RAB20: variants seen among roughly 807,000 people sequenced by gnomAD.
RAB20 encodes ras-related protein Rab-20.
A neutral mutation model predicts 3.7 loss-of-function variants in RAB20; 2 were observed. The observed-to-expected ratio is 0.54, with a 90% CI of 0.22 to 1.69. The LOEUF is 1.69. Ranked by LOEUF, RAB20 falls within the 40% of genes most tolerant of loss-of-function variation. The pLI is 0.19. For missense variants in RAB20, 276 were observed against 311.9 expected (o/e 0.88, Z 0.87); for synonymous variants, 126 against 130.8 (o/e 0.96, Z 0.25).
rs867505209 is a variant in RAB20, at chr13:110,555,619, C to T, written c.172+5729G>A. The stretch of plus-strand genomic sequence containing the variant: ...GAGACAGACAGAGGAACTGTTTCCT[C>T]GCAGCTTGGGCAGAGGACGCCACGG... On this transcript the variant is annotated intron_variant, in intron 1 of 1. Transcript: ENST00000267328. The surrounding 1 kb of genome is among the most constrained non-coding windows in gnomAD (Gnocchi z 4.0). 4.6e-5 allele frequency among the ~76,000 whole-genome samples: 7 copies of T among 152,324 alleles called. No homozygotes were observed. The highest frequency in any genetic ancestry group is 7.2e-5 in the African/African-American group (3 of 41,578).
chr13:110,523,540 C>T lies in RAB20; in HGVS notation c.*125G>A. 1.4e-6 allele frequency: 2 copies of T among 1,461,214 alleles called. No homozygotes were observed. Among genetic ancestry groups the T allele is most frequent in the Non-Finnish European group, 1.8e-6 (2 of 1,103,282 alleles). The allele number at this position is 1,461,214 out of a possible 1,614,324, so 90.5% of individuals were successfully genotyped here. A position where few individuals can be genotyped will look rare whatever the true frequency, so the allele number is the denominator to read the frequency against. On this transcript the variant is annotated 3_prime_UTR_variant, in exon 2 of 2. Coordinates refer to ENST00000267328, the MANE Select transcript of RAB20 (RefSeq NM_017817.3). ...TAGCCAGCCATCATTTCCACTCCAA[C>T]ATTCTGCTGCGGGTGTCATTCTGGA... is the stretch of plus-strand genomic sequence containing the variant.
intron 1 of RAB20, among the ~76,000 whole-genome samples, chr13:110,529,886 G>GT (rs913844033): frequency 2.0e-5 from 3 of 152,176 alleles, no homozygotes; most frequent in African/African-American, 7.2e-5. Flanking sequence ...TAGCAAATCC[G>GT]TAAGTGATCT....
chr13:110,524,896 C>T (rs1884401039), intron 1 of RAB20, among the ~76,000 whole-genome samples: 2 of 152,244 alleles, frequency 1.3e-5, no homozygotes, highest in African/African-American at 2.4e-5. Context: ...CTTGTGGGTG[C>T]CGCAGCCCCG....
At position 110,554,438 on chromosome 13, in the gene RAB20, C is replaced by T. The variant is rs1168919231; in HGVS notation, c.172+6910G>A. On this transcript the variant is annotated intron_variant, in intron 1 of 1. Coordinates refer to ENST00000267328, the MANE Select transcript of RAB20 (RefSeq NM_017817.3). ...GACTGGAAGGAGAGAGGTGGGGGCT[C>T]GCGGTCCTCTGAGCTGAACTCTCCC... 3.3e-5 allele frequency among the ~76,000 whole-genome samples: 5 copies of T among 152,284 alleles called. No individual in the cohort carries two copies. The East Asian group carries it at 5.8e-4, about 18-fold the overall frequency.
chr13:110,542,031 T>C (rs1702015055), intron 1 of RAB20, among the ~76,000 whole-genome samples: 1 of 152,138 alleles, frequency 6.6e-6, no homozygotes, highest in Non-Finnish European at 1.5e-5. Context: ...AACTGCCAAA[T>C]AATAAGGGTG....
chr13:110,561,163 T>C (rs1349885417), intron 1 of RAB20, among the ~76,000 whole-genome samples, 185 bp downstream of exon 1: 1 of 152,142 alleles, frequency 6.6e-6, no homozygotes, highest in African/African-American at 2.4e-5. Flanking sequence ...CTGAGGTCAC[T>C]GAGTGGCTGA....
At chr13:110,535,152 G>GC (rs1202817694) in intron 1 of RAB20, among the ~76,000 whole-genome samples, 1 of 152,222 alleles carries the variant, frequency 6.6e-6, no homozygotes, top group Non-Finnish European at 1.5e-5. Flanking sequence ...TCTTTTACTG[G>GC]CAGAGATGGA....
rs775811822 is a variant in RAB20, at chr13:110,561,542, C to T, written c.-23G>A. 2 of 1,535,964 alleles carry T rather than the reference C, an allele frequency of 1.3e-6. No individual in the cohort carries two copies. The highest frequency in any genetic ancestry group is 2.0e-5 in the Admixed American group (1 of 50,930). ...CATCTTCCCGTAAGAACCCCCAGCG[C>T]CCCCGCGCCCTCTCCCCGAGGCTGG... is the stretch of plus-strand genomic sequence containing the variant. On this transcript the variant is annotated 5_prime_UTR_variant, in exon 1 of 2. Transcript: ENST00000267328.
chr13:110,523,081 A>G lies in RAB20; in HGVS notation c.*584T>C, dbSNP rs1884358756. ...TCTCAATACCTAAGTTGTTCCAAAA[A>G]TCCTCTTTAATAATACATGTAGCCA... is the stretch of plus-strand genomic sequence containing the variant. On this transcript the variant is annotated 3_prime_UTR_variant, in exon 2 of 2. Coordinates refer to ENST00000267328, the MANE Select transcript of RAB20 (RefSeq NM_017817.3). The G allele has an allele frequency of 2.6e-6, 1 of 378,816 alleles. No individual in the cohort carries two copies. The highest frequency in any genetic ancestry group is 2.1e-5 in the African/African-American group (1 of 48,292). 23.5% of individuals were successfully genotyped at this position (378,816 alleles called of 1,614,324 possible).
At chr13:110,541,520 G>A (rs1884763310) in intron 1 of RAB20, among the ~76,000 whole-genome samples, 1 of 152,152 alleles carries the variant, frequency 6.6e-6, no homozygotes, top group African/African-American at 2.4e-5. Context: ...CACAAGATTC[G>A]CTAGAAGATT....
chr13:110,523,907 C>G lies in RAB20; in HGVS notation c.463G>C (p.Val155Leu), dbSNP rs751730295. 2.5e-6 allele frequency: 4 copies of G among 1,614,222 alleles called. No individual in the cohort carries two copies. The highest frequency in any genetic ancestry group is 3.4e-6 in the Non-Finnish European group (4 of 1,180,052). The change falls in exon 2 of 2, where the codon GTG (valine) becomes CTG (leucine). Residue 155 changes from valine to leucine, a missense_variant. Transcript: ENST00000267328. Reference protein sequence around the residue: ...APKQVQLEDAVALYKKILKYK... With the variant: ...APKQVQLEDALALYKKILKYK... ...TTGAGGATCTTTTTATAAAGGGCCACCGCATCCTCCAGCTGCACCTGCTTA... is the reference window on the plus strand; with the variant it reads ...TTGAGGATCTTTTTATAAAGGGCCAGCGCATCCTCCAGCTGCACCTGCTTA...
At chr13:110,533,527 A>T (rs1004431973) in intron 1 of RAB20, among the ~76,000 whole-genome samples, 2 of 152,094 alleles carry the variant, frequency 1.3e-5, no homozygotes, top group Non-Finnish European at 2.9e-5. Context: ...TACAAAAAAA[A>T]ATTTAAAAAT....
At chr13:110,546,580 C>T (rs1884852234) in intron 1 of RAB20, among the ~76,000 whole-genome samples, 1 of 152,174 alleles carries the variant, frequency 6.6e-6, no homozygotes, top group Admixed American at 6.5e-5. Flanking sequence ...CTCTGCAGGC[C>T]ACCCTTGGTC....
At chr13:110,533,541 C>T (rs997032618) in intron 1 of RAB20, among the ~76,000 whole-genome samples, 7 of 151,960 alleles carry the variant, frequency 4.6e-5, no homozygotes, top group Non-Finnish European at 7.4e-5. Context: ...TAAAAATGAG[C>T]TGGGTATGAT....
chr13:110,548,546 C>T (rs1884894663), intron 1 of RAB20, among the ~76,000 whole-genome samples: 1 of 150,332 alleles, frequency 6.7e-6, no homozygotes, highest in African/African-American at 2.4e-5. Flanking sequence ...TTCAGTCTCA[C>T]CTGCCTCCAT....
At chr13:110,537,392 T>C (rs1375349913) in intron 1 of RAB20, among the ~76,000 whole-genome samples, 4 of 152,008 alleles carry the variant, frequency 2.6e-5, no homozygotes, top group Admixed American at 1.3e-4. Flanking sequence ...CAACAAGAAG[T>C]TGTCCAGTTC....
At chr13:110,543,421 C>T (rs1179087227) in intron 1 of RAB20, among the ~76,000 whole-genome samples, 1 of 152,176 alleles carries the variant, frequency 6.6e-6, no homozygotes, top group African/African-American at 2.4e-5. Context: ...GTGAGAGCCA[C>T]GGCACCTGGC....
intron 1 of RAB20, among the ~76,000 whole-genome samples, chr13:110,531,831 G>T (rs1429018849): frequency 6.6e-6 from 1 of 152,210 alleles, no homozygotes. Flanking sequence ...CCCTGGTCCT[G>T]GGGGTGCTCC....
chr13:110,534,167 G>A (rs1460586030), intron 1 of RAB20, among the ~76,000 whole-genome samples: 1 of 152,214 alleles, frequency 6.6e-6, no homozygotes, highest in Non-Finnish European at 1.5e-5. Flanking sequence ...GGTAGGCCTC[G>A]TCTAATCAGC....
Sources: gnomAD v4.1 joint callset for allele counts (sites outside exome capture counted in the v4.1 genomes callset) on GRCh38, gnomAD v4.1.1 for gene constraint, Gnocchi (gnomAD v3.1) non-coding constraint, MANE v1.5 for transcripts, NCBI Gene and HGNC (gene_info 2026-07-23, HGNC 2026-07-21) for gene names.